Variants in GREB1 observed in about 807,000 individuals in gnomAD.
GREB1 encodes the protein growth regulating estrogen receptor binding 1, also known as protein GREB1.
A neutral mutation model predicts 200.7 loss-of-function variants in GREB1; 106 were observed. The ratio of observed to expected loss-of-function variants is 0.53; its 90% CI spans 0.45 to 0.62. The LOEUF is 0.62. Among genes scored for constraint, GREB1 ranks in the 20% least tolerant of loss-of-function variants. GREB1 has a pLI of 0.00. For synonymous variants in GREB1, 1,132 were observed against 1,092.4 expected, an observed-to-expected ratio of 1.04 and a Z score of -0.72; for missense variants, 2,243 against 2,556.8, an observed-to-expected ratio of 0.88 and a Z score of 2.65.
chr2:11,631,693 G>A (rs1379711743), intron 26 of GREB1, among the ~76,000 whole-genome samples: 7 of 152,214 alleles, frequency 4.6e-5, no homozygotes, highest in Non-Finnish European at 1.0e-4. Context: ...CTGAGAGGGT[G>A]TGGAACATGT....
chr2:11,556,360 C>G (rs923805411), intron 1 of GREB1, 94 bp from the exon 2 acceptor site: 4 of 297,314 alleles, frequency 1.3e-5, no homozygotes, highest in Middle Eastern at 8.9e-4. Context: ...AAAGAGGCAG[C>G]TCCTAGTGAA....
intron 10 of GREB1, among the ~76,000 whole-genome samples, chr2:11,589,541 G>T (rs1680519394): frequency 6.6e-6 from 1 of 152,218 alleles, no homozygotes; most frequent in Non-Finnish European, 1.5e-5. Context: ...GCCGGCTCCG[G>T]TCAAGGGTGT....
chr2:11,598,168 A>T (rs1424821077), intron 14 of GREB1, among the ~76,000 whole-genome samples, 190 bp downstream of exon 14: 1 of 152,232 alleles, frequency 6.6e-6, no homozygotes, highest in Non-Finnish European at 1.5e-5. Flanking sequence ...TTGAAGGTAG[A>T]GCCAAAACTT....
intron 10 of GREB1, chr2:11,591,570 T>C (rs1680730057): frequency 3.1e-6 from 2 of 655,450 alleles, no homozygotes; most frequent in East Asian, 2.7e-5. Flanking sequence ...CCAGTGGTGC[T>C]TAGGTGCGGT....
intron 1 of GREB1, among the ~76,000 whole-genome samples, chr2:11,539,395 G>T (rs775468383): frequency 6.6e-6 from 1 of 152,128 alleles, no homozygotes; most frequent in African/African-American, 2.4e-5. Flanking sequence ...TCTCCAGGGG[G>T]TTTTTGTTGT....
chr2:11,483,687 GGTGTGTGTGTGTGTGTGTGTGTGTGTGT>G (rs57352590), intron 1 of GREB1, among the ~76,000 whole-genome samples: 3 of 132,386 alleles, frequency 2.3e-5, no homozygotes, highest in Non-Finnish European at 3.2e-5. Flanking sequence ...TACAAGAAGG[GGTGTGTGTGTGTGTGTGTGTGTGTGTGT>G]GTGTGTGTGT....
chr2:11,496,915 G>T (rs1672904269), intron 1 of GREB1, among the ~76,000 whole-genome samples: 1 of 152,020 alleles, frequency 6.6e-6, no homozygotes, highest in Non-Finnish European at 1.5e-5. Flanking sequence ...AAATTCAGTA[G>T]CGTGATTATA....
chr2:11,550,090 G>A (rs559808479), intron 1 of GREB1, among the ~76,000 whole-genome samples: 3 of 152,160 alleles, frequency 2.0e-5, no homozygotes, highest in Non-Finnish European at 2.9e-5. Flanking sequence ...GAGGTGGCGG[G>A]CGCCTGTAAT....
At chr2:11,528,997 A>G (rs1673976701) in intron 1 of GREB1, among the ~76,000 whole-genome samples, 1 of 152,188 alleles carries the variant, frequency 6.6e-6, no homozygotes, top group Admixed American at 6.6e-5. Context: ...TGGTTTATAT[A>G]TATTTTTTGC....
intron 18 of GREB1, 55 bp downstream of exon 18, chr2:11,611,082 A>T: frequency 6.4e-6 from 9 of 1,403,220 alleles, no homozygotes; most frequent in Non-Finnish European, 8.7e-6. Flanking sequence ...GGGAGAGCTG[A>T]GGGGCCCACC....
chr2:11,606,395 G>C (rs535672774), intron 17 of GREB1, among the ~76,000 whole-genome samples: 1 of 152,106 alleles, frequency 6.6e-6, no homozygotes, highest in Non-Finnish European at 1.5e-5. Flanking sequence ...GTGGTAGCTC[G>C]TAATTTTAAT....
chr2:11,575,582 A>G (rs1280089741), intron 4 of GREB1, among the ~76,000 whole-genome samples: 1 of 152,210 alleles, frequency 6.6e-6, no homozygotes, highest in Non-Finnish European at 1.5e-5. Flanking sequence ...GTCACATTCT[A>G]GCAGAGTGTC....
rs575857053 is a variant in GREB1 at position 11,607,353 on chromosome 2, A to G, written c.2667-3335A>G. Among the ~76,000 whole-genome samples, 172 of 151,032 alleles carry G rather than the reference A, an allele frequency of 1.1e-3. 3 individuals carry two copies. In the South Asian group the frequency reaches 0.03, roughly 26 times the overall value. On this transcript the variant is annotated intron_variant, in intron 17 of 32. Transcript: ENST00000381486. ...AAAGTGCTGGAACATTTTAGTTTCT[A>G]TTGCTGTGTTTTCAAGTTTATTAAT...
Position 11,588,893 on chromosome 2 carries a change from T to C in GREB1, c.1307T>C (p.Met436Thr), listed in dbSNP as rs1558594167. The C allele has an allele frequency of 6.2e-7, 1 of 1,614,178 alleles. No homozygotes were observed. The highest frequency in any genetic ancestry group is 1.7e-5 in the Admixed American group (1 of 60,024). ...ASAIQPISEEMQLLLTVYYLV... is the reference protein window; with the variant it reads ...ASAIQPISEETQLLLTVYYLV... ...GCCATCCAGCCCATCTCCGAGGAGA[T>C]GCAGCTCCTGCTTACCGTCTACTAC... Residue 436 changes from methionine (M) to threonine (T), a missense_variant, in exon 10 of 33, where the codon ATG (methionine) becomes ACG (threonine). Met to Thr is a moderately conservative substitution (Grantham distance 81). Around this residue, in one of 3 missense-constraint regions of GREB1, gnomAD observed 1,178 missense variants for 1,387.4 expected, o/e 0.85. Transcript: ENST00000381486.
At chr2:11,571,218 G>A (rs900900880) in intron 4 of GREB1, among the ~76,000 whole-genome samples, 2 of 152,056 alleles carry the variant, frequency 1.3e-5, no homozygotes, top group Middle Eastern at 3.2e-3. Flanking sequence ...TTTCAGGCAC[G>A]GGGAGGGTGG....
At position 11,618,386 on chromosome 2, in the gene GREB1, A is replaced by G. The variant is rs552612839; in HGVS notation, c.3511A>G (p.Arg1171Gly). 70 of 1,611,864 alleles carry G rather than the reference A, an allele frequency of 4.3e-5. 2 individuals carry two copies. The South Asian group carries it at 7.0e-4, about 16-fold the overall frequency. The change falls in exon 22 of 33, where the codon AGA (arginine) becomes GGA (glycine). Residue 1171 changes from arginine to glycine, a missense_variant. Physicochemically the swap from Arg to Gly is moderately radical, Grantham distance 125 (BLOSUM62 -2). Coordinates refer to ENST00000381486, the MANE Select transcript of GREB1 (RefSeq NM_014668.4). ...PQPRGPAEEGRAPGEKQRPRA... is the reference protein window; with the variant it reads ...PQPRGPAEEGGAPGEKQRPRA... The stretch of plus-strand genomic sequence containing the variant: ...GCCCCGTGGCCCCGCAGAGGAGGGC[A>G]GAGCCCCTGGTGAGAAACAGAGGCC...
chr2:11,592,769 G>A lies in GREB1; in HGVS notation c.1346-7G>A, dbSNP rs1033547549. The A allele has an allele frequency of 1.3e-6, 2 of 1,499,534 alleles. No homozygotes were observed. Among genetic ancestry groups the A allele is most frequent in the Non-Finnish European group, 1.8e-6 (2 of 1,130,690 alleles). 92.9% of individuals were successfully genotyped at this position (1,499,534 alleles called of 1,614,324 possible). ...GTGGCAGGCCCTCCGCCCGCATTGT[G>A]TTGCAGCCGCGGACCAGGTGCCCTT... On this transcript the variant is annotated splice_polypyrimidine_tract_variant and splice_region_variant and intron_variant, in intron 10 of 32. Coordinates refer to ENST00000381486, the MANE Select transcript of GREB1 (RefSeq NM_014668.4).
At chr2:11,545,370 G>A (rs1174176729) in intron 1 of GREB1, among the ~76,000 whole-genome samples, 1 of 152,116 alleles carries the variant, frequency 6.6e-6, no homozygotes, top group East Asian at 1.9e-4. Context: ...TGACTCAGGT[G>A]ATCCACCTGC....
intron 1 of GREB1, among the ~76,000 whole-genome samples, chr2:11,525,517 A>T (rs892016693): frequency 6.6e-6 from 1 of 150,672 alleles, no homozygotes; most frequent in African/African-American, 2.4e-5. Flanking sequence ...AAAAAAAAAA[A>T]GGCATTCAGG....
Sources: gnomAD v4.1 joint callset for allele counts (sites outside exome capture counted in the v4.1 genomes callset) on GRCh38, gnomAD v4.1.1 for gene constraint, gnomAD v4.1.1 regional missense constraint, MANE v1.5 for transcripts, NCBI Gene and HGNC (gene_info 2026-07-23, HGNC 2026-07-21) for gene names.